AFF2: variants seen among roughly 807,000 people sequenced by gnomAD.
The protein encoded by AFF2 is AF4/FMR2 family member 2.
A neutral mutation model predicts 76.9 loss-of-function variants in AFF2; 14 were observed. The observed-to-expected ratio is 0.18, with a 90% CI of 0.12 to 0.28. The LOEUF (loss-of-function observed/expected upper bound fraction) is 0.28, where lower values mean the gene tolerates loss of function less well. AFF2 is among the 10% of genes least tolerant of loss of function. The probability of loss-of-function intolerance (pLI) is 1.00; values close to 1 mark genes in which losing one functional copy is unlikely to be tolerated. For missense variants in AFF2, 868 were observed against 1,001.1 expected, an observed-to-expected ratio of 0.87 and a Z score of 1.79; for synonymous variants, 398 against 366.7, an observed-to-expected ratio of 1.09 and a Z score of -0.98.
intron 1 of AFF2, among the ~76,000 whole-genome samples, chrX:148,509,568 GT>G (rs1202902796): frequency 2.7e-5 from 3 of 111,263 alleles, no homozygotes; most frequent in African/African-American, 6.5e-5. Context: ...ATGAAAATGT[GT>G]TTTTTTTCTG....
At chrX:148,619,582 A>G (rs995288804) in intron 1 of AFF2, among the ~76,000 whole-genome samples, 1 of 112,035 alleles carries the variant, frequency 8.9e-6, no homozygotes, top group Non-Finnish European at 1.9e-5. Flanking sequence ...AAGATGAGAG[A>G]TAGTTGGAAG....
chrX:148,575,141 A>G (rs1456416835), intron 1 of AFF2, among the ~76,000 whole-genome samples: 3 of 110,988 alleles, frequency 2.7e-5, no homozygotes, highest in Non-Finnish European at 1.9e-5. Flanking sequence ...TTAAAATCTC[A>G]CTAAATATTT....
chrX:148,931,990 C>A, intron 9 of AFF2, among the ~76,000 whole-genome samples: 1 of 111,942 alleles, frequency 8.9e-6, no homozygotes. Context: ...GTAGTAGACT[C>A]CACTGGGAGC....
intron 8 of AFF2, among the ~76,000 whole-genome samples, chrX:148,888,333 T>C (rs1201437870): frequency 1.8e-5 from 2 of 112,420 alleles, no homozygotes; most frequent in Non-Finnish European, 3.8e-5. Flanking sequence ...TTGTTCGATG[T>C]CATGTATCAG....
intron 3 of AFF2, among the ~76,000 whole-genome samples, chrX:148,768,134 A>G (rs1487811495): frequency 9.3e-6 from 1 of 107,648 alleles, no homozygotes. Flanking sequence ...AGACTGATCA[A>G]ATTTGTCTCT....
chrX:148,633,877 C>T (rs1390775889), intron 1 of AFF2, among the ~76,000 whole-genome samples: 7 of 112,296 alleles, frequency 6.2e-5, no homozygotes, highest in African/African-American at 2.3e-4. Context: ...CTTTTCCCTT[C>T]CTCTTTCACC....
intron 1 of AFF2, among the ~76,000 whole-genome samples, chrX:148,566,384 A>G (rs1335502725): frequency 9.1e-6 from 1 of 110,461 alleles, no homozygotes; most frequent in Non-Finnish European, 1.9e-5. Flanking sequence ...TTGCTTGAAT[A>G]TCAAAACTGG....
intron 9 of AFF2, among the ~76,000 whole-genome samples, chrX:148,922,135 A>G (rs966225540): frequency 9.0e-5 from 10 of 111,684 alleles, no homozygotes; most frequent in African/African-American, 3.3e-4. Flanking sequence ...GACAACTGAT[A>G]ATTGTTGTTT....
chrX:148,909,056 G>A (rs191344823), intron 9 of AFF2, among the ~76,000 whole-genome samples: 1 of 112,072 alleles, frequency 8.9e-6, no homozygotes, highest in Admixed American at 9.4e-5. Context: ...TGATGCTGAA[G>A]GTTAAACTAT....
At chrX:148,922,856 A>G (rs2071611063) in intron 9 of AFF2, among the ~76,000 whole-genome samples, 1 of 111,870 alleles carries the variant, frequency 8.9e-6, no homozygotes, top group African/African-American at 3.3e-5. Context: ...TCACCTATGA[A>G]GAAGGTGACT....
At chrX:148,519,388 C>T (rs2052571569) in intron 1 of AFF2, among the ~76,000 whole-genome samples, 1 of 112,517 alleles carries the variant, frequency 8.9e-6, no homozygotes, top group South Asian at 3.7e-4. Context: ...ATAAATATTA[C>T]AGTCTTTGAA....
intron 8 of AFF2, among the ~76,000 whole-genome samples, chrX:148,894,283 TC>T (rs1290312015): frequency 2.7e-5 from 3 of 110,317 alleles, no homozygotes; most frequent in Non-Finnish European, 5.7e-5. Context: ...CTCTACCCCC[TC>T]CCCCCCAGAT....
intron 1 of AFF2, among the ~76,000 whole-genome samples, chrX:148,555,432 A>T (rs782247649): frequency 1.8e-5 from 2 of 112,348 alleles, no homozygotes; most frequent in African/African-American, 6.5e-5. Flanking sequence ...GAAGAGGAAG[A>T]ATTAATCCTC....
At chrX:148,854,380 A>G (rs782114056) in intron 7 of AFF2, among the ~76,000 whole-genome samples, 8 of 111,398 alleles carry the variant, frequency 7.2e-5, no homozygotes, top group Non-Finnish European at 1.5e-4. Flanking sequence ...ATTTAAATCA[A>G]CTTCAGCTCA....
rs1397431046 is a variant in AFF2, at chrX:148,834,431, G to GTC, written c.1087-3207_1087-3206dup. Among the ~76,000 whole-genome samples the GTC allele has an allele frequency of 2.7e-5, 3 of 110,259 alleles. No individual in the cohort carries two copies. In the East Asian group the frequency reaches 8.6e-4, roughly 31 times the overall value. On this transcript the variant is annotated intron_variant, in intron 4 of 20. Transcript: ENST00000370460. ...GAATCCCTGCTTTCTGTCTCTCTCT[G>GTC]TCTCTCTCTCAAAGGATCAAAGGAT...
At chrX:148,722,369 G>T (rs1557263896) in intron 3 of AFF2, among the ~76,000 whole-genome samples, 1 of 111,004 alleles carries the variant, frequency 9.0e-6, no homozygotes. Context: ...CTGATATTTG[G>T]GGTTGCACTG....
At position 148,734,677 on chromosome X, in the gene AFF2, C is replaced by A. The variant is rs554610009; in HGVS notation, c.1041+71909C>A. Among the ~76,000 whole-genome samples the A allele has an allele frequency of 8.8e-4, 99 of 112,214 alleles. 1 individual carries two copies. The Middle Eastern group carries it at 0.023, about 26-fold the overall frequency. On this transcript the variant is annotated intron_variant, in intron 3 of 20. Coordinates refer to ENST00000370460, the MANE Select transcript of AFF2 (RefSeq NM_002025.4). ...TTTAGGAATCTTAAAAAGTCTATCTCAATATTTATGAATAAGAGTCCCCCT... is the reference window on the plus strand; with the variant it reads ...TTTAGGAATCTTAAAAAGTCTATCTAAATATTTATGAATAAGAGTCCCCCT...
intron 3 of AFF2, among the ~76,000 whole-genome samples, chrX:148,806,555 T>C (rs1191339662): frequency 8.9e-6 from 1 of 111,986 alleles, no homozygotes; most frequent in Non-Finnish European, 1.9e-5. Flanking sequence ...GCATGGAGTC[T>C]TGAAGGCAGA....
chrX:148,758,872 T>C (rs1478712341), intron 3 of AFF2, among the ~76,000 whole-genome samples: 3 of 111,846 alleles, frequency 2.7e-5, no homozygotes, highest in African/African-American at 9.8e-5. Flanking sequence ...TATTGATACA[T>C]ATTTCCCAAC....
Sources: gnomAD v4.1 joint callset for allele counts (sites outside exome capture counted in the v4.1 genomes callset) on GRCh38, gnomAD v4.1.1 for gene constraint, MANE v1.5 for transcripts, NCBI Gene and HGNC (gene_info 2026-07-23, HGNC 2026-07-21) for gene names.